Variants in MYO5B observed in about 807,000 individuals in gnomAD.
MYO5B encodes the protein myosin VB.
Under a neutral mutation model 229.3 loss-of-function variants are expected in MYO5B, and 143 were observed. The ratio of observed to expected loss-of-function variants is 0.62; its 90% CI spans 0.54 to 0.72. MYO5B has a LOEUF of 0.72. Among genes scored for constraint, MYO5B ranks in the 30% least tolerant of loss-of-function variants. The pLI is 0.00. For synonymous variants in MYO5B, 918 were observed against 885.2 expected (o/e 1.04, Z -0.66); for missense variants, 2,321 against 2,331.0 (o/e 1.00, Z 0.09).
At chr18:50,123,325 T>G (rs1790441) in intron 1 of MYO5B, among the ~76,000 whole-genome samples, 93,454 of 151,766 alleles carry the variant, frequency 0.62, 28,899 homozygotes, top group Admixed American at 0.69. Context: ...GTTATGAAAA[T>G]ATTTTGGAAC....
chr18:49,895,055 G>A lies in MYO5B; in HGVS notation c.2931C>T (p.Thr977=), dbSNP rs2024762326. Residue 977 remains threonine (T), a synonymous_variant, in exon 22 of 40, where the codon ACC becomes ACT. Transcript: ENST00000285039. ...VHYQQSPGED[T]SLRLQEEVES... is the part of the protein sequence containing the mutation. ...CCACCTCCTCCTGCAGCCTGAGGCTGGTGTCCTCACCTGGGCTCTGCTGGT... is the reference window on the plus strand; with the variant it reads ...CCACCTCCTCCTGCAGCCTGAGGCTAGTGTCCTCACCTGGGCTCTGCTGGT... 26 of 1,614,090 alleles carry A rather than the reference G, an allele frequency of 1.6e-5. No homozygotes were observed. The highest frequency in any genetic ancestry group is 2.2e-5 in the Non-Finnish European group (26 of 1,180,022).
chr18:49,856,414 T>G (rs1290952405), intron 30 of MYO5B, among the ~76,000 whole-genome samples: 2 of 152,204 alleles, frequency 1.3e-5, no homozygotes, highest in Non-Finnish European at 2.9e-5. Context: ...CATTTTTGGC[T>G]GATCCTGCAG....
chr18:49,971,326 A>C (rs1238431848), intron 10 of MYO5B, among the ~76,000 whole-genome samples: 1 of 152,210 alleles, frequency 6.6e-6, no homozygotes, highest in Non-Finnish European at 1.5e-5. Context: ...ATTAAAAAAC[A>C]AAAAAGGCAG....
At chr18:49,953,084 A>G (rs2025446817) in intron 14 of MYO5B, among the ~76,000 whole-genome samples, 176 bp downstream of exon 14, 1 of 152,146 alleles carries the variant, frequency 6.6e-6, no homozygotes, top group South Asian at 2.1e-4. Flanking sequence ...GATTGGACAC[A>G]TTCACAGTGG....
rs114710653 is a variant in MYO5B, at chr18:49,959,306, G to A, written c.1545+2960C>T. Among the ~76,000 whole-genome samples, 179 of 152,234 alleles carry A rather than the reference G, an allele frequency of 1.2e-3. 2 individuals are homozygous for A. Among genetic ancestry groups the A allele is most frequent in the African/African-American group, 4.2e-3 (174 of 41,540 alleles). On this transcript the variant is annotated intron_variant, in intron 12 of 39. Transcript: ENST00000285039. ...AAGCAGGGGCTCAGTGCACTATTCCGTGAACATGTGGTTTCTCATGTGAAT... is the reference window on the plus strand; with the variant it reads ...AAGCAGGGGCTCAGTGCACTATTCCATGAACATGTGGTTTCTCATGTGAAT...
intron 29 of MYO5B, among the ~76,000 whole-genome samples, chr18:49,858,528 C>T (rs1214338173): frequency 6.6e-6 from 1 of 152,256 alleles, no homozygotes; most frequent in East Asian, 1.9e-4. Context: ...CCCCCACCCC[C>T]CAGGGAGGGG....
At chr18:49,940,147 C>T (rs1790792) in intron 14 of MYO5B, among the ~76,000 whole-genome samples, 88,920 of 152,022 alleles carry the variant, frequency 0.58, 26,510 homozygotes, top group Middle Eastern at 0.73. Context: ...AAGAATAGGT[C>T]CAAAATTCAC....
At chr18:49,839,038 T>A (rs2024024090) in intron 36 of MYO5B, 106 bp downstream of exon 36, 1 of 1,419,106 alleles carries the variant, frequency 7.0e-7, no homozygotes, top group South Asian at 1.2e-5. Context: ...TTTCTGGAGG[T>A]CATGGCTAAG....
chr18:49,859,871 C>T (rs542936203), intron 29 of MYO5B, among the ~76,000 whole-genome samples: 73 of 152,276 alleles, frequency 4.8e-4, no homozygotes, highest in Middle Eastern at 3.4e-3. Flanking sequence ...CCACAGCAGC[C>T]GAGGCTCAAG....
chr18:49,961,683 G>A (rs569594413), intron 12 of MYO5B, among the ~76,000 whole-genome samples: 5 of 152,184 alleles, frequency 3.3e-5, no homozygotes, highest in Non-Finnish European at 5.9e-5. Flanking sequence ...CTATCATCGA[G>A]CAGGAAACCA....
intron 14 of MYO5B, among the ~76,000 whole-genome samples, chr18:49,952,869 C>T (rs774151804): frequency 3.3e-5 from 5 of 151,842 alleles, no homozygotes; most frequent in Non-Finnish European, 5.9e-5. Context: ...AATAATCTTA[C>T]ATCTGCAGGC....
In MYO5B at chr18:49,841,447, T is replaced by C. The variant is rs1161759056; in HGVS notation, c.4619A>G (p.Asn1540Ser). 5.6e-6 allele frequency: 9 copies of C among 1,614,140 alleles called. No individual in the cohort carries two copies. The highest frequency in any genetic ancestry group is 4.0e-5 in the African/African-American group (3 of 75,056). Residue 1540 changes from asparagine to serine, a missense_variant, in exon 35 of 40, where the codon AAT becomes AGT. Physicochemically the swap from Asn to Ser is conservative, Grantham distance 46. This residue lies in a region of MYO5B where 2,113 missense variants were observed against 2,044.7 expected (regional missense o/e 1.03). Transcript: ENST00000285039. ...GAATGACGTCATCTCAAAGTCATCA[T>C]TGTGCTTCTGTGAAAAGAAAAGGAC... ...NGIKKVLKKH[N>S]DDFEMTSFWL...
At chr18:49,958,288 C>T (rs571874265) in intron 12 of MYO5B, among the ~76,000 whole-genome samples, 2 of 152,342 alleles carry the variant, frequency 1.3e-5, no homozygotes, top group Admixed American at 1.3e-4. Context: ...TTGATCTCGA[C>T]AACTCCTAAA....
intron 4 of MYO5B, among the ~76,000 whole-genome samples, chr18:50,004,519 CAG>C (rs1279725662): frequency 6.6e-6 from 1 of 152,196 alleles, no homozygotes; most frequent in Non-Finnish European, 1.5e-5. Context: ...CACCATTCAA[CAG>C]CTTCCCTAAT....
chr18:49,898,792 G>A (rs2024809747), intron 21 of MYO5B, among the ~76,000 whole-genome samples: 1 of 152,094 alleles, frequency 6.6e-6, no homozygotes, highest in Admixed American at 6.5e-5. Context: ...TTCCAGGTGG[G>A]TGTACAAGGC....
chr18:49,915,859 C>G (rs762406369), intron 17 of MYO5B, among the ~76,000 whole-genome samples: 2 of 152,216 alleles, frequency 1.3e-5, no homozygotes, highest in Admixed American at 6.5e-5. Flanking sequence ...CTCCCAGGCT[C>G]TTCCTGTCTC....
At chr18:50,050,662 G>A (rs1451076535) in intron 2 of MYO5B, among the ~76,000 whole-genome samples, 1 of 152,154 alleles carries the variant, frequency 6.6e-6, no homozygotes, top group African/African-American at 2.4e-5. Context: ...ACACCTTCAG[G>A]CCTCAGAGAA....
chr18:50,016,794 T>C (rs1224532637), intron 4 of MYO5B, among the ~76,000 whole-genome samples: 1 of 151,928 alleles, frequency 6.6e-6, no homozygotes, highest in East Asian at 1.9e-4. Flanking sequence ...ACCAGTTGCT[T>C]CTCATTGCCT....
chr18:50,147,123 C>T, intron 1 of MYO5B, among the ~76,000 whole-genome samples: 1 of 152,178 alleles, frequency 6.6e-6, no homozygotes, highest in East Asian at 1.9e-4. Flanking sequence ...CCTTCTTGAG[C>T]TCTAGAACAG....
Sources: allele counts gnomAD v4.1 joint callset (sites outside exome capture counted in the v4.1 genomes callset), GRCh38; gene constraint gnomAD v4.1.1; regional missense constraint gnomAD v4.1.1; transcripts MANE v1.5; gene names NCBI Gene and HGNC (gene_info 2026-07-23, HGNC 2026-07-21).